Variants in MEIS1 observed in about 807,000 individuals in gnomAD.
The protein encoded by MEIS1 is homeobox protein Meis1.
Under a neutral mutation model 50.8 loss-of-function variants are expected in MEIS1, and 5 were observed. That is an observed-to-expected ratio of 0.10 (90% CI 0.05 to 0.21). MEIS1 has a LOEUF of 0.21. Among genes scored for constraint, MEIS1 ranks in the 10% least tolerant of loss-of-function variants. The probability of loss-of-function intolerance (pLI) is 1.00; values close to 1 mark genes in which losing one functional copy is unlikely to be tolerated. For synonymous variants in MEIS1, 176 were observed against 179.3 expected, an observed-to-expected ratio of 0.98 and a Z score of 0.15; for missense variants, 318 against 517.3, an observed-to-expected ratio of 0.61 and a Z score of 3.74.
intron 8 of MEIS1, among the ~76,000 whole-genome samples, chr2:66,543,120 C>A (rs1355052933): frequency 1.3e-5 from 2 of 152,160 alleles, no homozygotes; most frequent in Non-Finnish European, 2.9e-5. Context: ...TTGAGTAAGT[C>A]ACCATTTTCT....
intron 8 of MEIS1, among the ~76,000 whole-genome samples, chr2:66,547,269 T>C (rs1469905178): frequency 6.6e-6 from 1 of 152,218 alleles, no homozygotes; most frequent in African/African-American, 2.4e-5. Flanking sequence ...ACTATGACTC[T>C]TGAGGAACAT....
chr2:66,439,510 GCT>G (rs1671895372), intron 2 of MEIS1: 8 of 1,473,806 alleles, frequency 5.4e-6, no homozygotes, highest in Non-Finnish European at 7.2e-6. Flanking sequence ...GGGGACGAGG[GCT>G]TGTCGGGTGG....
intron 2 of MEIS1, 139 bp from the exon 3 acceptor site, chr2:66,439,704 G>A (rs1452429743): frequency 6.5e-7 from 1 of 1,547,396 alleles, no homozygotes. Context: ...GGGAGGGGGA[G>A]GAAAAGGAAA....
intron 7 of MEIS1, among the ~76,000 whole-genome samples, chr2:66,494,447 A>G (rs1236882988): frequency 6.6e-6 from 1 of 152,174 alleles, no homozygotes; most frequent in Non-Finnish European, 1.5e-5. Flanking sequence ...TATTATCTCA[A>G]TCTGCTATTC....
chr2:66,483,461 C>A (rs1483677475), intron 7 of MEIS1, among the ~76,000 whole-genome samples: 1 of 152,078 alleles, frequency 6.6e-6, no homozygotes, highest in Non-Finnish European at 1.5e-5. Flanking sequence ...TATTTTACAA[C>A]GAAGACTGTT....
At position 66,544,849 on chromosome 2, in the gene MEIS1, T is replaced by C. The variant is rs573243536; in HGVS notation, c.889-3094T>C. Among the ~76,000 whole-genome samples the C allele has an allele frequency of 1.1e-3, 162 of 152,258 alleles. 1 individual carries two copies. Among genetic ancestry groups the C allele is most frequent in the African/African-American group, 3.8e-3 (160 of 41,566 alleles). ...ATTTAAATTATGAAATCAGAAACTA[T>C]ATGATGTGAAGAAACAACTGAAATT... On this transcript the variant is annotated intron_variant, in intron 8 of 12. Transcript: ENST00000272369.
At chr2:66,510,093 T>C (rs1278419821) in intron 7 of MEIS1, among the ~76,000 whole-genome samples, 1 of 152,236 alleles carries the variant, frequency 6.6e-6, no homozygotes, top group Non-Finnish European at 1.5e-5. Context: ...GGTTACCTTT[T>C]GCATATTGAA....
chr2:66,516,156 A>G (rs948239444), intron 8 of MEIS1, among the ~76,000 whole-genome samples: 1 of 152,208 alleles, frequency 6.6e-6, no homozygotes, highest in African/African-American at 2.4e-5. Flanking sequence ...CTATCCTATC[A>G]TATTGCAGTC....
chr2:66,450,399 G>C (rs939136), intron 6 of MEIS1, among the ~76,000 whole-genome samples: 89,083 of 151,940 alleles, frequency 0.59, 26,835 homozygotes, highest in South Asian at 0.72. Context: ...CTTGTGCTGA[G>C]GAGCTGCCAG....
intron 9 of MEIS1, among the ~76,000 whole-genome samples, chr2:66,556,570 G>A (rs1312055368): frequency 2.0e-5 from 3 of 150,520 alleles, no homozygotes; most frequent in South Asian, 2.1e-4. Context: ...ACATACACAC[G>A]TGCATGTAAG....
chr2:66,546,540 T>A (rs968384125), intron 8 of MEIS1, among the ~76,000 whole-genome samples: 3 of 152,196 alleles, frequency 2.0e-5, no homozygotes, highest in African/African-American at 7.2e-5. Context: ...TGTCTGCCTC[T>A]GTCCATCTCT....
chr2:66,481,818 C>G (rs908934045), intron 7 of MEIS1, among the ~76,000 whole-genome samples: 1 of 147,750 alleles, frequency 6.8e-6, no homozygotes, highest in Non-Finnish European at 1.5e-5. Context: ...TTTAGAGGAT[C>G]AGAGACTTGT....
rs368365345 is a variant in MEIS1 at position 66,444,104 on chromosome 2, G to C, written c.630+1056G>C. Among the ~76,000 whole-genome samples, 12 of 152,206 alleles carry C rather than the reference G, an allele frequency of 7.9e-5. No individual in the cohort carries two copies. The South Asian group carries it at 2.5e-3, about 32-fold the overall frequency. Reference sequence around the variant, plus strand: ...AGTGAGTGAGATGAAACAGGGCTCAGAACAGTTCCGTTGCGAATTGTTGCA... The same window carrying C: ...AGTGAGTGAGATGAAACAGGGCTCACAACAGTTCCGTTGCGAATTGTTGCA... On this transcript the variant is annotated intron_variant, in intron 6 of 12. Coordinates refer to ENST00000272369, the MANE Select transcript of MEIS1 (RefSeq NM_002398.3).
intron 6 of MEIS1, among the ~76,000 whole-genome samples, chr2:66,462,670 G>A (rs897895691): frequency 1.3e-4 from 20 of 152,162 alleles, no homozygotes; most frequent in African/African-American, 4.6e-4. Flanking sequence ...GTGTGTTCCA[G>A]ATTACGTCTT....
chr2:66,503,838 G>A (rs1051229747), intron 7 of MEIS1, among the ~76,000 whole-genome samples: 4 of 148,350 alleles, frequency 2.7e-5, no homozygotes, highest in Middle Eastern at 3.7e-3. Flanking sequence ...TCTGCCTCCC[G>A]GGTTCGCGCC....
chr2:66,467,831 T>C (rs1211665027), intron 7 of MEIS1, among the ~76,000 whole-genome samples: 1 of 152,194 alleles, frequency 6.6e-6, no homozygotes, highest in African/African-American at 2.4e-5. Flanking sequence ...TCTTTAATAG[T>C]AAAGTCCTTT....
chr2:66,466,553 C>G (rs900087185), intron 7 of MEIS1, among the ~76,000 whole-genome samples: 1 of 152,230 alleles, frequency 6.6e-6, no homozygotes, highest in Non-Finnish European at 1.5e-5. Flanking sequence ...AGAGCTTGGT[C>G]TTTGTGCAGC....
At chr2:66,550,215 C>G (rs930632618) in intron 9 of MEIS1, among the ~76,000 whole-genome samples, 2 of 152,120 alleles carry the variant, frequency 1.3e-5, no homozygotes, top group African/African-American at 4.8e-5. Flanking sequence ...GCTTAACTGC[C>G]ACTTTGTGCA....
intron 6 of MEIS1, among the ~76,000 whole-genome samples, chr2:66,453,091 T>C (rs1672311067): frequency 6.6e-6 from 1 of 151,962 alleles, no homozygotes; most frequent in Non-Finnish European, 1.5e-5. Flanking sequence ...TTAGGTGCAT[T>C]GTTCTTCACT....
Sources: allele counts gnomAD v4.1 joint callset (sites outside exome capture counted in the v4.1 genomes callset), GRCh38; gene constraint gnomAD v4.1.1; transcripts MANE v1.5; gene names NCBI Gene and HGNC (gene_info 2026-07-23, HGNC 2026-07-21).